The following APOBEC3F variants were observed in gnomAD, a reference collection of about 807,000 sequenced individuals.
APOBEC3F encodes the protein DNA dC->dU-editing enzyme APOBEC-3F.
A neutral mutation model predicts 45.8 loss-of-function variants in APOBEC3F; 34 were observed. That is an observed-to-expected ratio of 0.74 (90% confidence interval 0.57 to 0.99). The LOEUF is 0.99. Among genes scored for constraint, APOBEC3F ranks in the 50% least tolerant of loss-of-function variants. The pLI is 0.00. For missense variants in APOBEC3F, 459 were observed against 474.1 expected (o/e 0.97, Z 0.30); for synonymous variants, 192 against 174.4 (o/e 1.10, Z -0.80).
chr22:39,055,487 G>A lies in APOBEC3F; in HGVS notation c.*2792G>A, dbSNP rs1260174441. ...GGGTTCAAGCAATTCTCCCACCTCA[G>A]CCTCCTGAGTAGCTGGGATTACAGA... On this transcript the variant is annotated 3_prime_UTR_variant, in exon 7 of 7. Coordinates refer to ENST00000308521, the MANE Select transcript of APOBEC3F (RefSeq NM_145298.6). Among the ~76,000 whole-genome samples, 2 of 151,878 alleles carry A rather than the reference G, an allele frequency of 1.3e-5. No individual in the cohort carries two copies. The highest frequency in any genetic ancestry group is 4.8e-5 in the African/African-American group (2 of 41,294).
Position 39,045,450 on chromosome 22 carries a change from CT to C in APOBEC3F, c.477del (p.Phe159LeufsTer26), listed in dbSNP as rs762504355. ...DEEFAYCWEN[F>X]VYSEGQPFMP... Reference sequence around the variant, plus strand: ...CAGAATTTGCATACTGCTGGGAAAACTTTGTGTACAGTGAAGGTCAGCCATT... The same window carrying C: ...CAGAATTTGCATACTGCTGGGAAAACTTGTGTACAGTGAAGGTCAGCCATT... On this transcript the variant is annotated frameshift_variant, in exon 4 of 7. Coordinates refer to ENST00000308521, the MANE Select transcript of APOBEC3F (RefSeq NM_145298.6). LOFTEE classifies it high-confidence loss of function. 5.0e-6 allele frequency: 8 copies of C among 1,614,164 alleles called. No homozygotes were observed. The highest frequency in any genetic ancestry group is 2.5e-6 in the Non-Finnish European group (3 of 1,180,010).
At position 39,053,009 on chromosome 22, in the gene APOBEC3F, C is replaced by T. The variant is rs5757454; in HGVS notation, c.*314C>T. 18,588 of 222,764 alleles carry T rather than the reference C, an allele frequency of 0.083. 1,420 individuals carry two copies. The highest frequency in any genetic ancestry group is 0.32 in the East Asian group (2,812 of 8,728). The allele number at this position is 222,764 out of a possible 1,614,324, so 13.8% of individuals were successfully genotyped here. ...TAATATTTTTTTTTTTTTTTTGAGA[C>T]GGAATTTCGCTCTGTCACCCAGACT... On this transcript the variant is annotated 3_prime_UTR_variant, in exon 7 of 7. Transcript: ENST00000308521.
Position 39,049,518 on chromosome 22 carries a change from C to T in APOBEC3F, c.660C>T (p.Phe220=), listed in dbSNP as rs750464224. 4 of 1,613,952 alleles carry T rather than the reference C, an allele frequency of 2.5e-6. No homozygotes were observed. Among genetic ancestry groups the T allele is most frequent in the Middle Eastern group, 1.6e-4 (1 of 6,080 alleles). The stretch of plus-strand genomic sequence containing the variant: ...GTCGGAACGAAAGCTGGCTGTGCTT[C>T]ACCATGGAAGTTGTAAAGCACCACT... ...AYGRNESWLC[F]TMEVVKHHSP... is the part of the protein sequence containing the mutation. Residue 220 remains phenylalanine, a synonymous_variant, in exon 5 of 7, where the codon TTC becomes TTT. Transcript: ENST00000308521.
At chr22:39,043,203 T>C in intron 2 of APOBEC3F, 113 bp downstream of exon 2, 2 of 1,369,130 alleles carry the variant, frequency 1.5e-6, no homozygotes, top group Non-Finnish European at 9.8e-7. Flanking sequence ...TGTCCTTCTC[T>C]CCCACACTTT....
At chr22:39,042,255 C>G (rs1023375345) in intron 1 of APOBEC3F, among the ~76,000 whole-genome samples, 1 of 151,788 alleles carries the variant, frequency 6.6e-6, no homozygotes. Context: ...TCAGAAGGAA[C>G]TGGCTGAAAG....
intron 2 of APOBEC3F, chr22:39,044,291 C>A: frequency 6.5e-7 from 1 of 1,535,780 alleles, no homozygotes. Context: ...AGAATTCACG[C>A]ATGAGGCTCT....
chr22:39,042,797 G>A lies in APOBEC3F; in HGVS notation c.18-140G>A, dbSNP rs1926981655. On this transcript the variant is annotated intron_variant, in intron 1 of 6. Coordinates refer to ENST00000308521, the MANE Select transcript of APOBEC3F (RefSeq NM_145298.6). ...CTCTCTCCCCGGTCTTCCTGCCTGG[G>A]AAGGAAGCAAAAATTCTCAGGGCTG... The A allele has an allele frequency of 2.6e-5, 35 of 1,351,950 alleles. No homozygotes were observed. In the South Asian group the frequency reaches 4.7e-4, roughly 18 times the overall value. The allele number at this position is 1,351,950 out of a possible 1,614,324, so 83.7% of individuals were successfully genotyped here. A position where few individuals can be genotyped will look rare whatever the true frequency, so the allele number is the denominator to read the frequency against.
At chr22:39,045,661 TAC>T (rs1927181892) in intron 4 of APOBEC3F, 119 bp downstream of exon 4, 2 of 1,540,182 alleles carry the variant, frequency 1.3e-6, no homozygotes, top group South Asian at 1.2e-5. Context: ...CCCTCATGGT[TAC>T]ACCCCTCACC....
intron 2 of APOBEC3F, 50 bp downstream of exon 2, chr22:39,043,140 G>C (rs1322469595): frequency 6.2e-7 from 1 of 1,606,222 alleles, no homozygotes; most frequent in Non-Finnish European, 8.5e-7. Context: ...AGCCAGCTGG[G>C]AAAGCAAACC....
intron 4 of APOBEC3F, among the ~76,000 whole-genome samples, chr22:39,048,755 C>A (rs1186277855): frequency 6.6e-6 from 1 of 151,894 alleles, no homozygotes; most frequent in Non-Finnish European, 1.5e-5. Flanking sequence ...TGCAGTGAGC[C>A]GAGATTGTGC....
chr22:39,042,183 GC>G (rs1239528170), intron 1 of APOBEC3F, among the ~76,000 whole-genome samples: 3 of 152,256 alleles, frequency 2.0e-5, no homozygotes, highest in African/African-American at 7.2e-5. Flanking sequence ...TAGAAGAGTG[GC>G]CTGGGCCTCA....
chr22:39,041,131 CT>C (rs1926865971), intron 1 of APOBEC3F, among the ~76,000 whole-genome samples, 154 bp downstream of exon 1: 1 of 151,608 alleles, frequency 6.6e-6, no homozygotes, highest in Non-Finnish European at 1.5e-5. Context: ...CAGCCAGGCT[CT>C]TTTTCCTGCT....
At chr22:39,045,275 G>T in intron 3 of APOBEC3F, 55 bp downstream of exon 3, 1 of 1,596,310 alleles carries the variant, frequency 6.3e-7, no homozygotes, top group Non-Finnish European at 8.5e-7. Context: ...ATGAAAGATG[G>T]ATGGATCTGC....
chr22:39,043,172 C>T, intron 2 of APOBEC3F, 82 bp downstream of exon 2: 1 of 1,495,862 alleles, frequency 6.7e-7, no homozygotes. Flanking sequence ...AGTGAAGTGC[C>T]CGGCGGCGGG....
intron 5 of APOBEC3F, 109 bp downstream of exon 5, chr22:39,049,690 CT>C: frequency 8.9e-7 from 1 of 1,125,682 alleles, no homozygotes; most frequent in Non-Finnish European, 1.2e-6. Flanking sequence ...GTACTTTCCT[CT>C]TACATTTCTT....
chr22:39,042,619 T>C (rs1160412567), intron 1 of APOBEC3F, among the ~76,000 whole-genome samples: 1 of 152,080 alleles, frequency 6.6e-6, no homozygotes, highest in African/African-American at 2.4e-5. Flanking sequence ...GCCAAGAACT[T>C]TGTTCTCTTT....
intron 4 of APOBEC3F, among the ~76,000 whole-genome samples, chr22:39,046,667 G>A (rs1488291888): frequency 6.6e-6 from 1 of 151,734 alleles, no homozygotes; most frequent in African/African-American, 2.4e-5. Flanking sequence ...GCCCAGGCTG[G>A]AGTGCTATGG....
intron 4 of APOBEC3F, 76 bp downstream of exon 4, chr22:39,045,618 G>C (rs1927178934): frequency 1.2e-6 from 2 of 1,603,270 alleles, no homozygotes; most frequent in Non-Finnish European, 1.7e-6. Context: ...CCCCTGGCCA[G>C]GCCCTCCTGC....
At chr22:39,046,179 C>A (rs1335858733) in intron 4 of APOBEC3F, among the ~76,000 whole-genome samples, 2 of 152,134 alleles carry the variant, frequency 1.3e-5, no homozygotes, top group Non-Finnish European at 2.9e-5. Flanking sequence ...GGTCTCTCTG[C>A]CTCTAAATGT....
Sources: allele counts gnomAD v4.1 joint callset (sites outside exome capture counted in the v4.1 genomes callset), GRCh38; gene constraint gnomAD v4.1.1; transcripts MANE v1.5; gene names NCBI Gene and HGNC (gene_info 2026-07-23, HGNC 2026-07-21).